The following KHDRBS2 variants were observed in gnomAD, a reference collection of about 807,000 sequenced individuals.
The protein encoded by KHDRBS2 is KH RNA binding domain containing, signal transduction associated 2.
A neutral mutation model predicts 44.3 loss-of-function variants in KHDRBS2; 26 were observed. That is an observed-to-expected ratio of 0.59 (90% confidence interval 0.43 to 0.81). KHDRBS2 has a LOEUF of 0.81. Among genes scored for constraint, KHDRBS2 ranks in the 40% least tolerant of loss-of-function variants. KHDRBS2 has a pLI of 0.00. For synonymous variants in KHDRBS2, 194 were observed against 151.1 expected (o/e 1.28, Z -2.08); for missense variants, 476 against 433.1 (o/e 1.10, Z -0.88).
At chr6:61,765,005 C>A (rs1779799345) in intron 6 of KHDRBS2, among the ~76,000 whole-genome samples, 1 of 151,998 alleles carries the variant, frequency 6.6e-6, no homozygotes, top group African/African-American at 2.4e-5. Context: ...ACATTGAAAT[C>A]AAGATTAATA....
the KHDRBS2 span, among the ~76,000 whole-genome samples, chr6:61,570,843 T>C: frequency 6.6e-6 from 1 of 152,068 alleles, no homozygotes; most frequent in African/African-American, 2.4e-5. Context: ...AAAGGAGAGA[T>C]AAAGCCTTTT....
At chr6:61,678,052 T>A (rs190498323), downstream of KHDRBS2, among the ~76,000 whole-genome samples, 40 of 151,816 alleles carry the variant, frequency 2.6e-4, no homozygotes, top group African/African-American at 8.9e-4. Flanking sequence ...CACAGAAGAT[T>A]AAAACTTGGG....
intron 1 of KHDRBS2, among the ~76,000 whole-genome samples, chr6:62,255,482 T>A (rs1366034419): frequency 2.0e-5 from 3 of 152,042 alleles, no homozygotes; most frequent in African/African-American, 7.2e-5. Context: ...GGTGAACAAC[T>A]AGCCCATGCA....
the KHDRBS2 span, among the ~76,000 whole-genome samples, chr6:61,674,713 TA>T: frequency 1.5e-3 from 227 of 151,852 alleles, 1 homozygote; most frequent in Non-Finnish European, 2.6e-3. Context: ...TTTTTTGCAG[TA>T]AAAGTTAAAC....
At chr6:62,258,717 G>C (rs1353965807) in intron 1 of KHDRBS2, among the ~76,000 whole-genome samples, 1 of 151,990 alleles carries the variant, frequency 6.6e-6, no homozygotes, top group Non-Finnish European at 1.5e-5. Flanking sequence ...ATCCCATTAT[G>C]TATATATAAA....
chr6:61,743,573 G>A (rs992077853), intron 6 of KHDRBS2, among the ~76,000 whole-genome samples: 1 of 151,716 alleles, frequency 6.6e-6, no homozygotes, highest in African/African-American at 2.4e-5. Context: ...AAAAATTGGG[G>A]TTAATAATTT....
chr6:61,917,777 G>A (rs186992726), intron 4 of KHDRBS2, among the ~76,000 whole-genome samples: 134 of 152,038 alleles, frequency 8.8e-4, no homozygotes, highest in Non-Finnish European at 1.4e-3. Context: ...CAATTTTGCT[G>A]TGAGTGTGAA....
intron 3 of KHDRBS2, among the ~76,000 whole-genome samples, chr6:61,995,471 G>T (rs994910385): frequency 6.6e-6 from 1 of 152,218 alleles, no homozygotes; most frequent in African/African-American, 2.4e-5. Context: ...CAAGGAGCAA[G>T]TCAAGAAGAA....
At chr6:61,861,935 T>G (rs1202146200) in intron 6 of KHDRBS2, among the ~76,000 whole-genome samples, 5 of 152,086 alleles carry the variant, frequency 3.3e-5, no homozygotes, top group Non-Finnish European at 5.9e-5. Context: ...TCACTTCCCT[T>G]GTTTGCTGTA....
chr6:61,766,377 TC>T (rs1759902931), intron 6 of KHDRBS2, among the ~76,000 whole-genome samples: 1 of 152,040 alleles, frequency 6.6e-6, no homozygotes, highest in African/African-American at 2.4e-5. Context: ...TTTTACTTAG[TC>T]TTGGTAAAGG....
At chr6:61,832,277 A>G (rs2127263247) in intron 6 of KHDRBS2, among the ~76,000 whole-genome samples, 1 of 152,256 alleles carries the variant, frequency 6.6e-6, no homozygotes, top group East Asian at 1.9e-4. Flanking sequence ...GGTCTAAATT[A>G]TTTTTAAATA....
intron 6 of KHDRBS2, among the ~76,000 whole-genome samples, chr6:61,751,584 A>G (rs906096014): frequency 6.6e-6 from 1 of 152,210 alleles, no homozygotes; most frequent in East Asian, 1.9e-4. Flanking sequence ...ACTTAAAAAC[A>G]TAACACTTAA....
intron 1 of KHDRBS2, among the ~76,000 whole-genome samples, chr6:62,184,110 C>G (rs563891521): frequency 6.6e-6 from 1 of 151,692 alleles, no homozygotes; most frequent in Non-Finnish European, 1.5e-5. Flanking sequence ...AATAATGCAA[C>G]ACAGAAGAAT....
At chr6:62,190,782 C>G (rs1824438951) in intron 1 of KHDRBS2, among the ~76,000 whole-genome samples, 1 of 152,072 alleles carries the variant, frequency 6.6e-6, no homozygotes, top group Non-Finnish European at 1.5e-5. Context: ...CCAAGAACAA[C>G]AAAACCAGAA....
At chr6:62,024,492 C>T (rs939828448) in intron 3 of KHDRBS2, among the ~76,000 whole-genome samples, 2 of 151,224 alleles carry the variant, frequency 1.3e-5, no homozygotes, top group Non-Finnish European at 3.0e-5. Flanking sequence ...CATATCTCAC[C>T]CTATTTAAAG....
chr6:61,680,732 T>G lies in KHDRBS2; in HGVS notation c.*231A>C. 1 of 356,328 alleles carries G rather than the reference T, an allele frequency of 2.8e-6. No homozygotes were observed. The highest frequency in any genetic ancestry group is 5.1e-6 in the Non-Finnish European group (1 of 196,394). 22.1% of individuals were successfully genotyped at this position (356,328 alleles called of 1,614,324 possible). The stretch of plus-strand genomic sequence containing the variant: ...TCATCCTACTGAAAGGTTTATAGAC[T>G]ATGCTTGCTAATGTCTTTTTCAGTC... On this transcript the variant is annotated 3_prime_UTR_variant, in exon 9 of 9. Transcript: ENST00000281156.
At chr6:62,014,519 C>A (rs2127273210) in intron 3 of KHDRBS2, among the ~76,000 whole-genome samples, 1 of 152,032 alleles carries the variant, frequency 6.6e-6, no homozygotes, top group Non-Finnish European at 1.5e-5. Context: ...TCTCTGATTT[C>A]TTTTGAACAC....
chr6:61,668,847 G>A, the KHDRBS2 span, among the ~76,000 whole-genome samples: 1 of 150,752 alleles, frequency 6.6e-6, no homozygotes, highest in Non-Finnish European at 1.5e-5. Flanking sequence ...TCATCAGATT[G>A]GAAAAGAGAT....
At chr6:61,638,839 T>A in the KHDRBS2 span, among the ~76,000 whole-genome samples, 4 of 152,150 alleles carry the variant, frequency 2.6e-5, no homozygotes, top group African/African-American at 9.6e-5. Context: ...AGCTAATGTA[T>A]CTATCTTTAA....
Sources: gnomAD v4.1 joint callset for allele counts (sites outside exome capture counted in the v4.1 genomes callset) on GRCh38, gnomAD v4.1.1 for gene constraint, MANE v1.5 for transcripts, NCBI Gene and HGNC (gene_info 2026-07-23, HGNC 2026-07-21) for gene names.